INTS7: variants seen among roughly 807,000 people sequenced by gnomAD.
INTS7 encodes integrator complex subunit 7, also known as chromosome 1 open reading frame 73.
In INTS7, 46 loss-of-function variants were observed where a neutral mutation model predicts 109.2. The observed-to-expected ratio is 0.42, with a 90% CI of 0.33 to 0.54. INTS7 has a LOEUF of 0.54. INTS7 is among the 20% of genes least tolerant of loss of function. INTS7 has a pLI of 0.07. For synonymous variants in INTS7, 412 were observed against 402.9 expected, an observed-to-expected ratio of 1.02 and a Z score of -0.27; for missense variants, 929 against 1,132.4, an observed-to-expected ratio of 0.82 and a Z score of 2.58.
chr1:211,957,141 G>A (rs896803372), intron 16 of INTS7, among the ~76,000 whole-genome samples: 8 of 152,144 alleles, frequency 5.3e-5, no homozygotes, highest in Non-Finnish European at 8.8e-5. Context: ...GTATCTCATT[G>A]TGATTTTAAT....
At chr1:211,945,978 C>CTATAAGTTGGG (rs1662829897) in intron 18 of INTS7, among the ~76,000 whole-genome samples, 1 of 152,190 alleles carries the variant, frequency 6.6e-6, no homozygotes, top group South Asian at 2.1e-4. Context: ...TCTGAATAGA[C>CTATAAGTTGGG]TCAGCTCAAG....
At chr1:212,018,503 T>A (rs1223774007) in intron 3 of INTS7, among the ~76,000 whole-genome samples, 3 of 146,636 alleles carry the variant, frequency 2.0e-5, no homozygotes. Flanking sequence ...ATCTTTTGAT[T>A]AAAAAAAAAA....
intron 17 of INTS7, 55 bp downstream of exon 17, chr1:211,952,514 G>A (rs1663144585): frequency 6.4e-7 from 1 of 1,566,278 alleles, no homozygotes; most frequent in African/African-American, 1.4e-5. Context: ...TGCCATAAAT[G>A]TATGAAAAAC....
chr1:212,028,299 A>T (rs1344642150), intron 1 of INTS7, among the ~76,000 whole-genome samples: 3 of 152,246 alleles, frequency 2.0e-5, no homozygotes, highest in Non-Finnish European at 4.4e-5. Flanking sequence ...AGTTTTACAA[A>T]TCATACTTCA....
At chr1:212,010,267 C>G (rs1558052078) in intron 5 of INTS7, among the ~76,000 whole-genome samples, 1 of 152,138 alleles carries the variant, frequency 6.6e-6, no homozygotes. Flanking sequence ...CCAAGAGCTC[C>G]CTTTTATGAC....
At chr1:211,999,870 C>T (rs963326362) in intron 7 of INTS7, among the ~76,000 whole-genome samples, 1 of 152,034 alleles carries the variant, frequency 6.6e-6, no homozygotes, top group Admixed American at 6.5e-5. Flanking sequence ...TTAGGGAGGC[C>T]GAGGCACGTG....
At chr1:211,974,274 A>ATATATAT (rs1553249475) in intron 13 of INTS7, among the ~76,000 whole-genome samples, 495 of 79,358 alleles carry the variant, frequency 6.2e-3, no homozygotes, top group African/African-American at 0.012. Context: ...CCAGAAAAAA[A>ATATATAT]AAATATATAT....
At chr1:211,982,161 T>A (rs1345211909) in intron 9 of INTS7, among the ~76,000 whole-genome samples, 2 of 152,234 alleles carry the variant, frequency 1.3e-5, no homozygotes, top group Non-Finnish European at 1.5e-5. Context: ...CAACAAAATA[T>A]GTGCATTATT....
intron 8 of INTS7, among the ~76,000 whole-genome samples, chr1:211,984,399 C>T (rs1319469818): frequency 6.6e-6 from 1 of 152,000 alleles, no homozygotes; most frequent in East Asian, 1.9e-4. Context: ...AAAATCATAC[C>T]AAATTTCACA....
At chr1:211,949,200 C>T (rs1662980069) in intron 17 of INTS7, among the ~76,000 whole-genome samples, 1 of 152,128 alleles carries the variant, frequency 6.6e-6, no homozygotes, top group African/African-American at 2.4e-5. Context: ...CTGATGCTCT[C>T]CTTGTTGTCT....
At chr1:212,000,074 C>T (rs1665593273) in intron 7 of INTS7, among the ~76,000 whole-genome samples, 1 of 151,662 alleles carries the variant, frequency 6.6e-6, no homozygotes, top group Non-Finnish European at 1.5e-5. Flanking sequence ...CACTGCACTC[C>T]AGCCTGGGCA....
chr1:212,007,234 A>G lies in INTS7; in HGVS notation c.756+16T>C. On this transcript the variant is annotated intron_variant, in intron 6 of 19. Transcript: ENST00000366994. ...AGTTTACCAAAGATAGGCAGTTTAA[A>G]GAAAATTGAAATTACCTGCTTAGGT... 4.4e-6 allele frequency: 7 copies of G among 1,586,072 alleles called. No homozygotes were observed. Among genetic ancestry groups the G allele is most frequent in the East Asian group, 2.2e-5 (1 of 44,568 alleles).
intron 10 of INTS7, among the ~76,000 whole-genome samples, chr1:211,980,285 C>T (rs1454725644): frequency 1.3e-5 from 2 of 152,158 alleles, no homozygotes; most frequent in East Asian, 3.9e-4. Flanking sequence ...TGAGCCATGA[C>T]TTCCTTGAAA....
chr1:211,966,555 T>C (rs544685367), intron 15 of INTS7, 57 bp from the exon 16 acceptor site: 4 of 1,041,956 alleles, frequency 3.8e-6, no homozygotes, highest in East Asian at 4.8e-5. Context: ...TATAGGTTTC[T>C]ATTACTTGAA....
intron 13 of INTS7, 60 bp downstream of exon 13, chr1:211,975,106 G>C: frequency 9.2e-6 from 11 of 1,189,592 alleles, no homozygotes; most frequent in Non-Finnish European, 3.7e-6. Context: ...AATCCAAAAA[G>C]AGAAGGGAGA....
intron 11 of INTS7, among the ~76,000 whole-genome samples, chr1:211,977,359 G>T (rs1172517056): frequency 6.6e-6 from 1 of 152,060 alleles, no homozygotes; most frequent in East Asian, 1.9e-4. Context: ...CAATCTTAAG[G>T]TAGTACTCAC....
At chr1:211,974,270 A>ATATATATATATATAT (rs1664306386) in intron 13 of INTS7, among the ~76,000 whole-genome samples, 1 of 101,920 alleles carries the variant, frequency 9.8e-6, no homozygotes, top group African/African-American at 3.7e-5. Flanking sequence ...CTTCCCAGAA[A>ATATATATATATATAT]AAAAAAATAT....
chr1:212,027,913 G>GC (rs1666999161), intron 1 of INTS7, among the ~76,000 whole-genome samples: 7 of 151,836 alleles, frequency 4.6e-5, no homozygotes, highest in Admixed American at 3.3e-4. Context: ...TGCAACCTCC[G>GC]CCCCCCGGGT....
chr1:211,973,656 A>T (rs1334777973), intron 13 of INTS7, among the ~76,000 whole-genome samples: 4 of 152,198 alleles, frequency 2.6e-5, no homozygotes, highest in African/African-American at 4.8e-5. Context: ...AAATAAAAAT[A>T]AAAAAAGTCC....
Sources: allele counts gnomAD v4.1 joint callset (sites outside exome capture counted in the v4.1 genomes callset), GRCh38; gene constraint gnomAD v4.1.1; transcripts MANE v1.5; gene names NCBI Gene and HGNC (gene_info 2026-07-23, HGNC 2026-07-21).